Variants in SYCP2 observed in about 807,000 individuals in gnomAD.
SYCP2 encodes synaptonemal complex protein 2.
A neutral mutation model predicts 211.3 loss-of-function variants in SYCP2; 55 were observed. The observed-to-expected ratio is 0.26, with a 90% CI of 0.21 to 0.33. SYCP2 has a LOEUF of 0.33. Ranked by LOEUF, SYCP2 falls within the 10% of genes least tolerant of loss-of-function variation. The pLI, the probability that SYCP2 is intolerant of heterozygous loss-of-function variation, is 1.00. For synonymous variants in SYCP2, 570 were observed against 555.2 expected (o/e 1.03, Z -0.37); for missense variants, 1,731 against 1,752.0 (o/e 0.99, Z 0.21).
chr20:59,926,116 T>C (rs1033618683), intron 2 of SYCP2, among the ~76,000 whole-genome samples: 17 of 152,090 alleles, frequency 1.1e-4, no homozygotes, highest in Admixed American at 3.9e-4. Flanking sequence ...AACCTTCTCC[T>C]GTAAGACAGG....
rs745661484 is a variant in SYCP2 at position 59,919,148 on chromosome 20, T to C, written c.427+10A>G. 1.6e-6 allele frequency: 2 copies of C among 1,255,106 alleles called. No individual in the cohort carries two copies. The highest frequency in any genetic ancestry group is 4.9e-5 in the East Asian group (2 of 41,160). 77.7% of individuals were successfully genotyped at this position (1,255,106 alleles called of 1,614,324 possible). ...TTATTGTTCCAATAGAAAATAAGTGTTTATTATACCTTCATCACTGACATC... is the reference window on the plus strand; with the variant it reads ...TTATTGTTCCAATAGAAAATAAGTGCTTATTATACCTTCATCACTGACATC... On this transcript the variant is annotated intron_variant, in intron 7 of 44. Transcript: ENST00000357552.
rs185347373 is a variant in SYCP2 at position 59,930,483 on chromosome 20, A to G, written c.-47+1579T>C. The stretch of plus-strand genomic sequence containing the variant: ...GCATGACAAGATACTACTTCTTAAC[A>G]GTGCCAAATGCCCATCTTCTTCCTT... On this transcript the variant is annotated intron_variant, in intron 2 of 44. Coordinates refer to ENST00000357552, the MANE Select transcript of SYCP2 (RefSeq NM_014258.4). 2.8e-3 allele frequency among the ~76,000 whole-genome samples: 433 copies of G among 152,358 alleles called. 7 individuals are homozygous for G. The highest frequency in any genetic ancestry group is 0.017 in the South Asian group (82 of 4,828).
At chr20:59,919,262 G>A in intron 6 of SYCP2, 80 bp from the exon 7 acceptor site, 1 of 773,946 alleles carries the variant, frequency 1.3e-6, no homozygotes, top group East Asian at 2.8e-5. Flanking sequence ...CATTACAAAT[G>A]GTATTGAAAT....
intron 18 of SYCP2, among the ~76,000 whole-genome samples, chr20:59,898,465 A>C (rs1483205310): frequency 6.6e-6 from 1 of 152,168 alleles, no homozygotes; most frequent in East Asian, 1.9e-4. Flanking sequence ...AACTAACACA[A>C]GAACAGAAAA....
At chr20:59,872,912 A>C (rs1451648801) in intron 35 of SYCP2, among the ~76,000 whole-genome samples, 1 of 152,104 alleles carries the variant, frequency 6.6e-6, no homozygotes, top group Non-Finnish European at 1.5e-5. Context: ...AAAACAGTGT[A>C]ATTACAATAT....
At chr20:59,920,009 T>C (rs2060511696) in intron 5 of SYCP2, among the ~76,000 whole-genome samples, 2 of 151,672 alleles carry the variant, frequency 1.3e-5, no homozygotes, top group African/African-American at 2.4e-5. Context: ...GTGCCAATAA[T>C]GTAGCAATGA....
Position 59,886,790 on chromosome 20 carries a change from G to C in SYCP2, c.2409C>G (p.Ser803=), listed in dbSNP as rs866200361. ...KGKEFTNVAE[S]LISQINKRYK... ...ATCTTTTATTGATTTGGCTTATCAAGGATTCTGCTACATTGGTAAATTCTT... is the reference window on the plus strand; with the variant it reads ...ATCTTTTATTGATTTGGCTTATCAACGATTCTGCTACATTGGTAAATTCTT... Residue 803 remains serine, a synonymous_variant, in exon 25 of 45, where the codon TCC becomes TCG. Transcript: ENST00000357552. 4 of 1,590,984 alleles carry C rather than the reference G, an allele frequency of 2.5e-6. No individual in the cohort carries two copies. The highest frequency in any genetic ancestry group is 1.7e-4 in the Middle Eastern group (1 of 6,002).
rs142468827 is a variant in SYCP2, at chr20:59,914,172, C to T, written c.714G>A (p.Gln238=). ...TEKQRQELAH[Q]WFSMDFIAKA... ...TAGCAATAAAATCCATTGAAAACCACTGATGTGCCAGTTCTTGTCTTTGTT... is the reference window on the plus strand; with the variant it reads ...TAGCAATAAAATCCATTGAAAACCATTGATGTGCCAGTTCTTGTCTTTGTT... The change falls in exon 11 of 45, where the codon CAG becomes CAA. Residue 238 remains glutamine (Q), a synonymous_variant. Transcript: ENST00000357552. 8.2e-5 allele frequency: 132 copies of T among 1,605,584 alleles called. No homozygotes were observed. Among genetic ancestry groups the T allele is most frequent in the Non-Finnish European group, 1.1e-4 (129 of 1,174,250 alleles).
intron 38 of SYCP2, 32 bp downstream of exon 38, chr20:59,868,381 T>G (rs1412487210): frequency 1.3e-6 from 2 of 1,585,524 alleles, no homozygotes; most frequent in African/African-American, 1.4e-5. Context: ...TCCAAATAAC[T>G]GCATTTTGAT....
At chr20:59,910,878 G>GC (rs1380913022) in intron 14 of SYCP2, among the ~76,000 whole-genome samples, 3 of 151,886 alleles carry the variant, frequency 2.0e-5, no homozygotes, top group Admixed American at 1.3e-4. Flanking sequence ...AACTGTCAGT[G>GC]CCCCTGAGAA....
chr20:59,906,710 C>A (rs1417005099), intron 15 of SYCP2, among the ~76,000 whole-genome samples: 1 of 151,942 alleles, frequency 6.6e-6, no homozygotes, highest in Non-Finnish European at 1.5e-5. Flanking sequence ...TAAAACTGCT[C>A]ACCAGATATC....
chr20:59,914,419 TGAGG>T (rs1568973820), intron 10 of SYCP2, among the ~76,000 whole-genome samples, 168 bp from the exon 11 acceptor site: 1 of 152,038 alleles, frequency 6.6e-6, no homozygotes, highest in Non-Finnish European at 1.5e-5. Context: ...TCTCATCATT[TGAGG>T]AATTAACACA....
At chr20:59,884,285 G>A (rs1171237668) in intron 26 of SYCP2, among the ~76,000 whole-genome samples, 1 of 151,872 alleles carries the variant, frequency 6.6e-6, no homozygotes, top group Non-Finnish European at 1.5e-5. Context: ...GAGTCAAAAA[G>A]CTATCAATTA....
In SYCP2 at chr20:59,882,021, A is replaced by G. The variant is rs763512355; in HGVS notation, c.2601-19T>C. 1.6e-5 allele frequency: 26 copies of G among 1,611,154 alleles called. No individual in the cohort carries two copies. In the Middle Eastern group the frequency reaches 5.0e-4, roughly 31 times the overall value. The stretch of plus-strand genomic sequence containing the variant: ...ATCATTCCTGTGAAAATGAAGAGCA[A>G]TATTAGCTCCACTTAAATATGTGTA... On this transcript the variant is annotated intron_variant, in intron 27 of 44. Transcript: ENST00000357552.
In SYCP2 at chr20:59,915,674, A is replaced by T. The variant is rs979850969; in HGVS notation, c.514-124T>A. On this transcript the variant is annotated intron_variant, in intron 8 of 44. Coordinates refer to ENST00000357552, the MANE Select transcript of SYCP2 (RefSeq NM_014258.4). ...TTAATCACTGAGTTTTATTATGGGA[A>T]TGGAGTAGGATGGAGGAAAGAATAT... is the stretch of plus-strand genomic sequence containing the variant. 9.5e-6 allele frequency: 6 copies of T among 629,968 alleles called. No homozygotes were observed. The African/African-American group carries it at 1.1e-4, about 12-fold the overall frequency. 39.0% of individuals were successfully genotyped at this position (629,968 alleles called of 1,614,324 possible).
intron 12 of SYCP2, 54 bp from the exon 13 acceptor site, chr20:59,912,472 T>TC: frequency 1.5e-6 from 1 of 652,102 alleles, no homozygotes; most frequent in Non-Finnish European, 2.5e-6. Flanking sequence ...CAGCATAATC[T>TC]TGTCCAGTAA....
chr20:59,900,942 AAATT>A, intron 16 of SYCP2, 124 bp from the exon 17 acceptor site: 2 of 704,620 alleles, frequency 2.8e-6, no homozygotes, highest in African/African-American at 3.6e-5. Context: ...CAAATATCCC[AAATT>A]ATTACTTTGC....
intron 1 of SYCP2, among the ~76,000 whole-genome samples, chr20:59,932,860 A>T (rs1232478529): frequency 6.6e-6 from 1 of 151,864 alleles, no homozygotes; most frequent in Non-Finnish European, 1.5e-5. Context: ...GCAGGTGGGG[A>T]CGGCGGGAGG....
intron 13 of SYCP2, 113 bp from the exon 14 acceptor site, chr20:59,911,958 G>A (rs1351246667): frequency 2.2e-5 from 9 of 407,706 alleles, no homozygotes; most frequent in South Asian, 7.8e-5. Flanking sequence ...GGAGAGAGAA[G>A]AGAAAGAACA....
Sources: gnomAD v4.1 joint callset for allele counts (sites outside exome capture counted in the v4.1 genomes callset) on GRCh38, gnomAD v4.1.1 for gene constraint, MANE v1.5 for transcripts, NCBI Gene and HGNC (gene_info 2026-07-23, HGNC 2026-07-21) for gene names.